The following L3MBTL4 variants were observed in gnomAD, a reference collection of about 807,000 sequenced individuals.
L3MBTL4 encodes the protein lethal(3)malignant brain tumor-like protein 4.
Under a neutral mutation model 84.5 loss-of-function variants are expected in L3MBTL4, and 70 were observed. The ratio of observed to expected loss-of-function variants is 0.83; its 90% CI spans 0.68 to 1.01. L3MBTL4 has a LOEUF of 1.01. Among genes scored for constraint, L3MBTL4 ranks in the 50% least tolerant of loss-of-function variants. L3MBTL4 has a pLI of 0.00. For missense variants in L3MBTL4, 715 were observed against 754.8 expected, an observed-to-expected ratio of 0.95 and a Z score of 0.62; for synonymous variants, 274 against 259.8, an observed-to-expected ratio of 1.05 and a Z score of -0.52.
In L3MBTL4 at chr18:6,277,098, C is replaced by T. The variant is rs114076003; in HGVS notation, c.128-13060G>A. ...GTTTATTATGTCTCTTAAAAATATTCTCATAAGGAAGGGGAACATCACACT... is the reference window on the plus strand; with the variant it reads ...GTTTATTATGTCTCTTAAAAATATTTTCATAAGGAAGGGGAACATCACACT... On this transcript the variant is annotated intron_variant, in intron 4 of 18. Transcript: ENST00000317931. Among the ~76,000 whole-genome samples the T allele has an allele frequency of 5.0e-3, 660 of 132,040 alleles. 5 individuals carry two copies. Among genetic ancestry groups the T allele is most frequent in the African/African-American group, 0.018 (627 of 34,356 alleles). 86.6% of individuals were successfully genotyped at this position (132,040 alleles called of 152,430 possible).
At chr18:5,960,715 T>A (rs563051822) in intron 17 of L3MBTL4, 4 of 152,220 alleles carry the variant, frequency 2.6e-5, no homozygotes, top group African/African-American at 7.2e-5. Flanking sequence ...CAAGGCCACA[T>A]ACGGTTGATA....
At chr18:6,242,063 T>C (rs1259927537) in intron 7 of L3MBTL4, among the ~76,000 whole-genome samples, 7 of 152,210 alleles carry the variant, frequency 4.6e-5, no homozygotes, top group Admixed American at 2.6e-4. Flanking sequence ...CACACAGTGC[T>C]GGCCAAACAG....
intron 16 of L3MBTL4, among the ~76,000 whole-genome samples, chr18:5,977,555 C>T (rs1215190650): frequency 6.6e-6 from 1 of 152,234 alleles, no homozygotes; most frequent in African/African-American, 2.4e-5. Context: ...GAATAAGTCA[C>T]TTAATATGCA....
At chr18:6,067,041 C>T (rs957740463) in intron 16 of L3MBTL4, among the ~76,000 whole-genome samples, 2 of 151,716 alleles carry the variant, frequency 1.3e-5, no homozygotes, top group African/African-American at 2.4e-5. Flanking sequence ...GACTTTATCT[C>T]TCCTTCATTT....
chr18:6,379,615 A>G (rs1298947516), intron 1 of L3MBTL4, among the ~76,000 whole-genome samples: 2 of 152,208 alleles, frequency 1.3e-5, no homozygotes, highest in Non-Finnish European at 2.9e-5. Context: ...GTGATGGATT[A>G]CATTTATTGA....
chr18:6,031,561 A>C, intron 16 of L3MBTL4: 1 of 956,056 alleles, frequency 1.0e-6, no homozygotes, highest in Non-Finnish European at 1.2e-6. Context: ...GTCAGTTCTG[A>C]TTTCAGCAGG....
chr18:6,264,651 G>A (rs1757217186), intron 4 of L3MBTL4, among the ~76,000 whole-genome samples: 1 of 152,148 alleles, frequency 6.6e-6, no homozygotes, highest in Admixed American at 6.5e-5. Flanking sequence ...GGGCATCGTG[G>A]CGGGTGCCTG....
chr18:6,008,520 C>T (rs903740464), intron 16 of L3MBTL4, among the ~76,000 whole-genome samples: 5 of 152,140 alleles, frequency 3.3e-5, no homozygotes, highest in African/African-American at 9.7e-5. Context: ...TGCATCCTCA[C>T]GTGGCCTTTC....
chr18:6,338,881 G>A (rs2052471117), intron 1 of L3MBTL4, among the ~76,000 whole-genome samples: 1 of 152,010 alleles, frequency 6.6e-6, no homozygotes, highest in South Asian at 2.1e-4. Flanking sequence ...TAGACTGTAA[G>A]GCAAGAAATA....
At chr18:6,204,394 C>G (rs2045781995) in intron 12 of L3MBTL4, among the ~76,000 whole-genome samples, 1 of 152,192 alleles carries the variant, frequency 6.6e-6, no homozygotes, top group South Asian at 2.1e-4. Flanking sequence ...TCTCCCACAG[C>G]TGAGCCCTGA....
chr18:6,305,686 T>C (rs528319637), intron 3 of L3MBTL4, among the ~76,000 whole-genome samples: 127 of 152,330 alleles, frequency 8.3e-4, no homozygotes, highest in Admixed American at 1.8e-3. Context: ...GTCTTTGCTA[T>C]GGTACATTTC....
chr18:5,997,218 C>CA (rs1348801211), intron 16 of L3MBTL4, among the ~76,000 whole-genome samples: 4 of 150,622 alleles, frequency 2.7e-5, no homozygotes, highest in Non-Finnish European at 5.9e-5. Flanking sequence ...CTCAGGTCCC[C>CA]AAAATCACTA....
chr18:6,241,765 C>A (rs574638841), intron 7 of L3MBTL4, among the ~76,000 whole-genome samples: 51 of 152,158 alleles, frequency 3.4e-4, no homozygotes, highest in Non-Finnish European at 7.1e-4. Context: ...TGCTCTGATA[C>A]GGAGTCAGTA....
chr18:6,031,345 C>T (rs970203653), intron 16 of L3MBTL4: 10 of 985,248 alleles, frequency 1.0e-5, no homozygotes, highest in African/African-American at 1.7e-5. Context: ...AAGATAAATG[C>T]CTTCCTTCAC....
At chr18:6,100,706 C>A (rs1221920354) in intron 14 of L3MBTL4, among the ~76,000 whole-genome samples, 19 of 152,206 alleles carry the variant, frequency 1.2e-4, no homozygotes, top group Non-Finnish European at 1.2e-4. Flanking sequence ...CCTAGGCACC[C>A]CTGGATGCCA....
intron 13 of L3MBTL4, among the ~76,000 whole-genome samples, chr18:6,170,035 A>G (rs1168427819): frequency 1.3e-5 from 2 of 152,262 alleles, no homozygotes; most frequent in East Asian, 3.9e-4. Context: ...TCTGAATTCT[A>G]TCCATTCATT....
chr18:6,170,214 T>A (rs1036787794), intron 13 of L3MBTL4, among the ~76,000 whole-genome samples: 3 of 152,216 alleles, frequency 2.0e-5, no homozygotes, highest in African/African-American at 7.2e-5. Context: ...TAGTCTATAC[T>A]GCTCTAGATT....
At chr18:6,219,670 C>A (rs2046468419) in intron 10 of L3MBTL4, among the ~76,000 whole-genome samples, 1 of 151,710 alleles carries the variant, frequency 6.6e-6, no homozygotes, top group African/African-American at 2.4e-5. Context: ...TGACAAATAT[C>A]TTCAGTTAAT....
chr18:6,356,246 G>A (rs182732473), intron 1 of L3MBTL4, among the ~76,000 whole-genome samples: 3 of 152,360 alleles, frequency 2.0e-5, no homozygotes, highest in African/African-American at 7.2e-5. Context: ...TGGAGAGAGA[G>A]AGAGGACACC....
Sources: gnomAD v4.1 joint callset for allele counts (sites outside exome capture counted in the v4.1 genomes callset) on GRCh38, gnomAD v4.1.1 for gene constraint, MANE v1.5 for transcripts, NCBI Gene and HGNC (gene_info 2026-07-23, HGNC 2026-07-21) for gene names.